Variants in PCGF5 observed in about 807,000 individuals in gnomAD.
PCGF5 encodes the protein polycomb group RING finger protein 5.
A neutral mutation model predicts 44.3 loss-of-function variants in PCGF5; 9 were observed. That is an observed-to-expected ratio of 0.20 (90% CI 0.12 to 0.35). PCGF5 has a LOEUF of 0.35. Ranked by LOEUF, PCGF5 falls within the 10% of genes least tolerant of loss-of-function variation. The pLI, the probability that PCGF5 is intolerant of heterozygous loss-of-function variation, is 1.00. For missense variants in PCGF5, 146 were observed against 305.3 expected, an observed-to-expected ratio of 0.48 and a Z score of 3.89; for synonymous variants, 95 against 102.5, an observed-to-expected ratio of 0.93 and a Z score of 0.44.
chr10:91,198,688 C>G (rs913837689), intron 1 of PCGF5, among the ~76,000 whole-genome samples: 1 of 152,238 alleles, frequency 6.6e-6, no homozygotes, highest in Non-Finnish European at 1.5e-5. Flanking sequence ...GGGAATCTCC[C>G]TGGCCTATTC....
chr10:91,237,468 C>T (rs530710321), intron 2 of PCGF5, among the ~76,000 whole-genome samples: 11 of 152,262 alleles, frequency 7.2e-5, no homozygotes, highest in South Asian at 4.1e-4. Context: ...CAACGCTGGG[C>T]GCAGTGGCTC....
intron 6 of PCGF5, among the ~76,000 whole-genome samples, chr10:91,252,737 T>A (rs896797013): frequency 6.6e-6 from 1 of 152,058 alleles, no homozygotes; most frequent in Non-Finnish European, 1.5e-5. Flanking sequence ...CTCCAATACA[T>A]GAGTTAGCTC....
At chr10:91,229,214 T>C (rs1426527096) in intron 2 of PCGF5, among the ~76,000 whole-genome samples, 2 of 152,240 alleles carry the variant, frequency 1.3e-5, no homozygotes, top group East Asian at 3.8e-4. Context: ...GTCATCATTC[T>C]AGCCACTGCA....
At chr10:91,238,634 CT>C (rs933458206) in intron 2 of PCGF5, among the ~76,000 whole-genome samples, 1 of 47,560 alleles carries the variant, frequency 2.1e-5, no homozygotes, top group African/African-American at 1.0e-4. Flanking sequence ...TTTTTTTTGC[CT>C]CTTTCCCAAA....
Position 91,240,923 on chromosome 10 carries a change from T to C in PCGF5, c.209+343T>C, listed in dbSNP as rs1845307150. ...GGGAGAACTCATAGAAAGACTAATA[T>C]TAGGACTGTTAATTTTTTAATTTAC... On this transcript the variant is annotated intron_variant, in intron 3 of 9. Coordinates refer to ENST00000336126, the MANE Select transcript of PCGF5 (RefSeq NM_032373.5). Among the ~76,000 whole-genome samples the C allele has an allele frequency of 1.3e-5, 2 of 151,512 alleles. 1 individual carries two copies. Among genetic ancestry groups the C allele is most frequent in the East Asian group, 3.9e-4 (2 of 5,186 alleles).
At chr10:91,275,430 A>G (rs1846282750) in intron 9 of PCGF5, among the ~76,000 whole-genome samples, 1 of 149,022 alleles carries the variant, frequency 6.7e-6, no homozygotes. Flanking sequence ...ATGTAGAAAA[A>G]TAAAACTACA....
intron 4 of PCGF5, 29 bp from the exon 5 acceptor site, chr10:91,248,636 T>A: frequency 6.2e-7 from 1 of 1,600,432 alleles, no homozygotes; most frequent in South Asian, 1.1e-5. Flanking sequence ...TTCATGACTT[T>A]TACTTTTATA....
chr10:91,241,669 TAA>T (rs77659464), intron 3 of PCGF5, among the ~76,000 whole-genome samples: 19 of 139,226 alleles, frequency 1.4e-4, no homozygotes, highest in Admixed American at 1.4e-4. Context: ...CTTTTGAACT[TAA>T]AAAAAAAAAA....
At chr10:91,178,288 C>T (rs1366194064) in intron 1 of PCGF5, among the ~76,000 whole-genome samples, 1 of 152,048 alleles carries the variant, frequency 6.6e-6, no homozygotes, top group Non-Finnish European at 1.5e-5. Context: ...TAAGAATATG[C>T]AATTAAATGT....
chr10:91,165,515 G>A (rs1233362301), intron 1 of PCGF5, among the ~76,000 whole-genome samples: 1 of 152,084 alleles, frequency 6.6e-6, no homozygotes, highest in Non-Finnish European at 1.5e-5. Flanking sequence ...TTTGTTTGAG[G>A]CAGGGTCTCT....
At chr10:91,247,133 G>A (rs1441976564) in intron 3 of PCGF5, among the ~76,000 whole-genome samples, 1 of 151,878 alleles carries the variant, frequency 6.6e-6, no homozygotes, top group Non-Finnish European at 1.5e-5. Flanking sequence ...AGATTTAAAA[G>A]TAGCTGGGAA....
rs147136809 is a variant in PCGF5, at chr10:91,178,555, A to C, written c.-184+15474A>C. ...CAAGTGCAATTCACCACACCCGGCT[A>C]ATTTTTAAAATTTTTGTAGAGACAG... On this transcript the variant is annotated intron_variant, in intron 1 of 9. Coordinates refer to the PCGF5 transcript ENST00000614189. 4.3e-3 allele frequency among the ~76,000 whole-genome samples: 655 copies of C among 152,010 alleles called. 3 individuals are homozygous for C. Among genetic ancestry groups the C allele is most frequent in the African/African-American group, 0.015 (622 of 41,466 alleles).
chr10:91,283,972 T>A lies in PCGF5; in HGVS notation c.*5656T>A, dbSNP rs1355880149. 6.5e-6 allele frequency: 1 copy of A among 152,692 alleles called. No individual in the cohort carries two copies. The highest frequency in any genetic ancestry group is 1.5e-5 in the Non-Finnish European group (1 of 68,050). The allele number at this position is 152,692 out of a possible 1,614,324, so 9.5% of individuals were successfully genotyped here. On this transcript the variant is annotated 3_prime_UTR_variant, in exon 10 of 10. Coordinates refer to ENST00000336126, the MANE Select transcript of PCGF5 (RefSeq NM_032373.5). The stretch of plus-strand genomic sequence containing the variant: ...GAATTACCAGGTCATTGTTAATGAC[T>A]TAGTCTATTAAGAATATATGTATTT...
At position 91,227,002 on chromosome 10, in the gene PCGF5, G is replaced by T. The variant is rs557094047; in HGVS notation, c.112+4019G>T. Among the ~76,000 whole-genome samples the T allele has an allele frequency of 1.4e-3, 218 of 151,780 alleles. 1 individual carries two copies. Among genetic ancestry groups the T allele is most frequent in the African/African-American group, 5.0e-3 (206 of 41,376 alleles). On this transcript the variant is annotated intron_variant, in intron 2 of 9. Coordinates refer to ENST00000336126, the MANE Select transcript of PCGF5 (RefSeq NM_032373.5). ...ACTTAATACTAGATGAACTAAATCC[G>T]CATTAACCATGGTTTACATGGCTGT...
chr10:91,233,556 TATAC>T lies in PCGF5; in HGVS notation c.113-6920_113-6917del, dbSNP rs773945682. Among the ~76,000 whole-genome samples the T allele has an allele frequency of 9.9e-5, 15 of 152,260 alleles. No individual in the cohort carries two copies. In the East Asian group the frequency reaches 1.7e-3, roughly 18 times the overall value. ...GCACATTATGTAATATATATACACATATACATACATAAGAGAATAATTAGTTCAT... is the reference window on the plus strand; with the variant it reads ...GCACATTATGTAATATATATACACATATACATAAGAGAATAATTAGTTCAT... On this transcript the variant is annotated intron_variant, in intron 2 of 9. Coordinates refer to ENST00000336126, the MANE Select transcript of PCGF5 (RefSeq NM_032373.5).
At chr10:91,188,093 G>A (rs899173338) in intron 1 of PCGF5, among the ~76,000 whole-genome samples, 3 of 152,194 alleles carry the variant, frequency 2.0e-5, no homozygotes, top group Non-Finnish European at 2.9e-5. Flanking sequence ...CCCCCGAACA[G>A]GAACAGCTCC....
intron 1 of PCGF5, among the ~76,000 whole-genome samples, chr10:91,209,966 G>A (rs1159348134): frequency 6.6e-6 from 1 of 152,136 alleles, no homozygotes; most frequent in East Asian, 1.9e-4. Context: ...GGGTGTTTTT[G>A]TTTGTTGTTT....
chr10:91,269,085 G>A lies in PCGF5; in HGVS notation c.664-2553G>A, dbSNP rs752375162. Among the ~76,000 whole-genome samples, 3 of 152,250 alleles carry A rather than the reference G, an allele frequency of 2.0e-5. No homozygotes were observed. The South Asian group carries it at 6.2e-4, about 32-fold the overall frequency. ...TAAAATACAGATTCTGACTCAGTAG[G>A]TCTGGGAATAAGACTCAAGATACTG... On this transcript the variant is annotated intron_variant, in intron 8 of 9. Transcript: ENST00000336126.
intron 2 of PCGF5, 42 bp downstream of exon 2, chr10:91,223,025 T>C (rs993832265): frequency 2.3e-6 from 3 of 1,279,768 alleles, no homozygotes; most frequent in African/African-American, 1.5e-5. Context: ...AAAGTTTATA[T>C]GTACATTTTG....
Sources: gnomAD v4.1 joint callset for allele counts (sites outside exome capture counted in the v4.1 genomes callset) on GRCh38, gnomAD v4.1.1 for gene constraint, MANE v1.5 for transcripts, NCBI Gene and HGNC (gene_info 2026-07-23, HGNC 2026-07-21) for gene names.